The following PRKD1 variants were observed in gnomAD, a reference collection of about 807,000 sequenced individuals.
PRKD1 encodes protein kinase D1.
PRKD1 carries 63 observed loss-of-function variants against 95.9 expected under a neutral mutation model. That is an observed-to-expected ratio of 0.66 (90% CI 0.54 to 0.81). The LOEUF (loss-of-function observed/expected upper bound fraction) is 0.81. PRKD1 is among the 30% of genes least tolerant of loss of function. The pLI is 0.00. For synonymous variants in PRKD1, 425 were observed against 423.1 expected (o/e 1.00, Z -0.05); for missense variants, 1,048 against 1,165.3 (o/e 0.90, Z 1.47).
intron 16 of PRKD1, among the ~76,000 whole-genome samples, chr14:29,595,964 G>A (rs1183217724): frequency 1.3e-5 from 2 of 152,340 alleles, no homozygotes; most frequent in East Asian, 1.9e-4. Flanking sequence ...TCCTGGGAAA[G>A]AAACTTAATT....
chr14:29,780,941 A>G (rs1205981235), intron 1 of PRKD1, among the ~76,000 whole-genome samples: 1 of 152,164 alleles, frequency 6.6e-6, no homozygotes, highest in East Asian at 1.9e-4. Flanking sequence ...CATATACACC[A>G]TGGAATACTA....
intron 2 of PRKD1, among the ~76,000 whole-genome samples, chr14:29,722,450 G>T (rs2139386021): frequency 6.6e-6 from 1 of 152,172 alleles, no homozygotes; most frequent in East Asian, 1.9e-4. Context: ...TGGGCCAAAA[G>T]AATGCATAGC....
intron 2 of PRKD1, among the ~76,000 whole-genome samples, chr14:29,715,951 T>G (rs1885585987): frequency 6.6e-6 from 1 of 152,200 alleles, no homozygotes; most frequent in African/African-American, 2.4e-5. Flanking sequence ...TTACTATATT[T>G]TTTAGAATGA....
In PRKD1 at chr14:29,784,894, C is replaced by T. The variant is rs115430614; in HGVS notation, c.265-59220G>A. Among the ~76,000 whole-genome samples, 378 of 152,314 alleles carry T rather than the reference C, an allele frequency of 2.5e-3. 4 individuals are homozygous for T. The highest frequency in any genetic ancestry group is 8.8e-3 in the African/African-American group (366 of 41,576). On this transcript the variant is annotated intron_variant, in intron 1 of 17. Transcript: ENST00000331968. ...AAAGAGAACTGGCTTTACAAATGCT[C>T]TTTCTTGATAAACAACTGTAGACTT... is the stretch of plus-strand genomic sequence containing the variant.
At chr14:29,771,982 T>C (rs1291693964) in intron 1 of PRKD1, among the ~76,000 whole-genome samples, 1 of 152,252 alleles carries the variant, frequency 6.6e-6, no homozygotes, top group African/African-American at 2.4e-5. Context: ...TCAAAATGCA[T>C]AATTTGTTTG....
chr14:29,771,091 G>A (rs1161679571), intron 1 of PRKD1, among the ~76,000 whole-genome samples: 6 of 152,088 alleles, frequency 3.9e-5, no homozygotes, highest in Non-Finnish European at 2.9e-5. Flanking sequence ...AATCAAAAGG[G>A]AAGCAGAACT....
At chr14:29,873,240 C>G (rs931545020) in intron 1 of PRKD1, among the ~76,000 whole-genome samples, 14 of 152,144 alleles carry the variant, frequency 9.2e-5, no homozygotes. Flanking sequence ...TGCCCGCCAA[C>G]ACACCTGGCT....
intron 1 of PRKD1, among the ~76,000 whole-genome samples, chr14:29,761,965 T>C (rs1888013014): frequency 6.6e-6 from 1 of 151,656 alleles, no homozygotes; most frequent in Non-Finnish European, 1.5e-5. Context: ...AGAGATGGGG[T>C]CTCACTATGT....
At position 29,862,210 on chromosome 14, in the gene PRKD1, C is replaced by A. The variant is rs1323683640; in HGVS notation, c.264+65039G>T. ...CCCATGTTGTTCCAAATGACTAAAT[C>A]TCTTTCTTTTTTGTGGCTGACTAGC... On this transcript the variant is annotated intron_variant, in intron 1 of 17. Transcript: ENST00000331968. 2.0e-5 allele frequency among the ~76,000 whole-genome samples: 3 copies of A among 152,186 alleles called. No individual in the cohort carries two copies. In the East Asian group the frequency reaches 5.8e-4, roughly 29 times the overall value.
chr14:29,690,620 T>C (rs1295167712), intron 2 of PRKD1, among the ~76,000 whole-genome samples: 5 of 152,194 alleles, frequency 3.3e-5, no homozygotes, highest in Non-Finnish European at 7.3e-5. Flanking sequence ...ATATTCTCAA[T>C]GCTATAGCAA....
chr14:29,804,557 C>A (rs549298057), intron 1 of PRKD1, among the ~76,000 whole-genome samples: 16 of 149,554 alleles, frequency 1.1e-4, no homozygotes, highest in African/African-American at 3.7e-4. Context: ...AATATGCCTC[C>A]TTGTGCTACT....
intron 2 of PRKD1, among the ~76,000 whole-genome samples, chr14:29,699,457 G>A (rs1424406775): frequency 6.6e-6 from 1 of 151,824 alleles, no homozygotes; most frequent in Admixed American, 6.6e-5. Flanking sequence ...CATATTTTTA[G>A]TTCTTCTGTA....
At chr14:29,596,369 G>A (rs983901284) in intron 16 of PRKD1, among the ~76,000 whole-genome samples, 3 of 152,154 alleles carry the variant, frequency 2.0e-5, no homozygotes, top group South Asian at 4.1e-4. Context: ...AAGACGTAGG[G>A]CTAGTACTGA....
intron 13 of PRKD1, among the ~76,000 whole-genome samples, chr14:29,606,648 A>C (rs1237319112): frequency 1.3e-5 from 2 of 152,236 alleles, no homozygotes; most frequent in Admixed American, 6.5e-5. Flanking sequence ...GTAGCAGCAC[A>C]GTCAGGATAT....
At chr14:29,864,070 T>C (rs1445105972) in intron 1 of PRKD1, among the ~76,000 whole-genome samples, 1 of 152,096 alleles carries the variant, frequency 6.6e-6, no homozygotes, top group East Asian at 1.9e-4. Context: ...ATAAAATTTT[T>C]CTCTGAAGTA....
chr14:29,765,573 AAATAAC>A (rs1195352682), intron 1 of PRKD1, among the ~76,000 whole-genome samples: 1 of 152,202 alleles, frequency 6.6e-6, no homozygotes, highest in Non-Finnish European at 1.5e-5. Context: ...CAAAAGACAT[AAATAAC>A]AATGCTCATA....
chr14:29,870,356 G>A (rs1234807467), intron 1 of PRKD1, among the ~76,000 whole-genome samples: 11 of 151,986 alleles, frequency 7.2e-5, no homozygotes, highest in Non-Finnish European at 1.5e-4. Context: ...ACGTCTCAAT[G>A]TACCCACCAA....
chr14:29,851,164 G>T (rs1230806781), intron 1 of PRKD1, among the ~76,000 whole-genome samples: 1 of 152,054 alleles, frequency 6.6e-6, no homozygotes, highest in African/African-American at 2.4e-5. Flanking sequence ...ACATTGGCCT[G>T]GGCAAAGAAT....
At chr14:29,885,124 TAAAA>T (rs1220944588) in intron 1 of PRKD1, among the ~76,000 whole-genome samples, 3 of 131,068 alleles carry the variant, frequency 2.3e-5, no homozygotes, top group African/African-American at 8.5e-5. Context: ...CTCCATCTTT[TAAAA>T]AAAAAAAAAA....
Sources: gnomAD v4.1 joint callset for allele counts (sites outside exome capture counted in the v4.1 genomes callset) on GRCh38, gnomAD v4.1.1 for gene constraint, MANE v1.5 for transcripts, NCBI Gene and HGNC (gene_info 2026-07-23, HGNC 2026-07-21) for gene names.